Variants in ABCB8 observed in about 807,000 individuals in gnomAD.
ABCB8 encodes the protein mitochondrial potassium channel ATP-binding subunit.
A neutral mutation model predicts 73.0 loss-of-function variants in ABCB8; 52 were observed. The ratio of observed to expected loss-of-function variants is 0.71; its 90% CI spans 0.57 to 0.90. ABCB8 has a LOEUF of 0.90. Ranked by LOEUF, ABCB8 falls within the 40% of genes least tolerant of loss-of-function variation. The probability of loss-of-function intolerance (pLI) is 0.00; values close to 1 mark genes in which losing one functional copy is unlikely to be tolerated. For synonymous variants in ABCB8, 428 were observed against 423.5 expected, an observed-to-expected ratio of 1.01 and a Z score of -0.13; for missense variants, 909 against 974.6, an observed-to-expected ratio of 0.93 and a Z score of 0.90.
rs750395728 is a variant in ABCB8, at chr7:151,034,522, G to C, written c.582G>C (p.Gly194=). ...TTTCGCAGGGACTGCTGACCTTCGG[G>C]TACCTGGTGCTGCTGTCCCACGTTG... ...LYGVQGLLTF[G]YLVLLSHVGE... The change falls in exon 4 of 16, where the codon GGG becomes GGC. Residue 194 remains glycine (G), a synonymous_variant. Transcript: ENST00000358849. The C allele has an allele frequency of 6.2e-7, 1 of 1,613,294 alleles. No individual in the cohort carries two copies. The highest frequency in any genetic ancestry group is 8.5e-7 in the Non-Finnish European group (1 of 1,180,022).
intron 9 of ABCB8, chr7:151,037,617 C>T: frequency 2.5e-6 from 1 of 402,072 alleles, no homozygotes; most frequent in Non-Finnish European, 4.7e-6. Context: ...TCTCCACGAA[C>T]CGTGCATCAC....
Position 151,033,769 on chromosome 7 carries a change from A to C in ABCB8, c.260A>C (p.His87Pro). The change falls in exon 2 of 16, where the codon CAT becomes CCT. Residue 87 changes from histidine to proline, a missense_variant. By Grantham distance (77) the His-to-Pro change is moderately conservative. Coordinates refer to ENST00000358849, the MANE Select transcript of ABCB8 (RefSeq NM_007188.5). ...CTAGGCCCCATGGTACTGAGTAAGC[A>C]TCCCCACCTCTGCCTTGTGGCCCTG... The part of the protein sequence containing the change: ...ALLGPMVLSK[H>P]PHLCLVALCE... 2 of 1,613,980 alleles carry C rather than the reference A, an allele frequency of 1.2e-6. No homozygotes were observed. Among genetic ancestry groups the C allele is most frequent in the Middle Eastern group, 1.7e-4 (1 of 6,058 alleles).
At chr7:151,040,185 C>T in intron 9 of ABCB8, 83 bp from the exon 10 acceptor site, 1 of 1,523,676 alleles carries the variant, frequency 6.6e-7, no homozygotes, top group African/African-American at 1.4e-5. Flanking sequence ...CTTCCTTGCT[C>T]CCCCGCCCCA....
intron 8 of ABCB8, 68 bp from the exon 9 acceptor site, chr7:151,036,476 G>A: frequency 7.4e-7 from 1 of 1,356,390 alleles, no homozygotes. Flanking sequence ...AGTCAGCAGT[G>A]GCAGAGCAGG....
Position 151,034,805 on chromosome 7 carries a change from A to G in ABCB8, c.741A>G (p.Ser247=). ...RLTTDVQEFK[S]SFKLVISQGL... is the part of the protein sequence containing the mutation. Reference sequence around the variant, plus strand: ...CAACTGACGTGCAGGAGTTTAAGTCATCCTTCAAGCTTGTCATCTCCCAGG... The same window carrying G: ...CAACTGACGTGCAGGAGTTTAAGTCGTCCTTCAAGCTTGTCATCTCCCAGG... The change falls in exon 5 of 16, where the codon TCA becomes TCG. Residue 247 remains serine (S), a synonymous_variant. Transcript: ENST00000358849. 2 of 1,613,934 alleles carry G rather than the reference A, an allele frequency of 1.2e-6. No homozygotes were observed. The highest frequency in any genetic ancestry group is 1.7e-6 in the Non-Finnish European group (2 of 1,179,934).
In ABCB8 at chr7:151,036,161, G is replaced by A. The variant is rs143943108; in HGVS notation, c.1102G>A (p.Ala368Thr). The A allele has an allele frequency of 6.2e-6, 10 of 1,606,152 alleles. No individual in the cohort carries two copies. The highest frequency in any genetic ancestry group is 4.4e-5 in the South Asian group (4 of 90,864). ...CTTGTTCCAAGGGCTTTCCAACATC[G>A]CCTTCAACTGTGAGTGAGCCATTTG... ...IALFQGLSNI[A>T]FNCMVLGTLF... Residue 368 changes from alanine (A) to threonine (T), a missense_variant, in exon 8 of 16, where the codon GCC (alanine) becomes ACC (threonine). Ala to Thr is a moderately conservative substitution (Grantham distance 58). Coordinates refer to ENST00000358849, the MANE Select transcript of ABCB8 (RefSeq NM_007188.5).
At chr7:151,031,254 A>C in intron 1 of ABCB8, 1 of 1,549,000 alleles carries the variant, frequency 6.5e-7, no homozygotes, top group Non-Finnish European at 8.7e-7. Context: ...CACATGGCGT[A>C]ATGGGAAAAC....
intron 9 of ABCB8, 122 bp downstream of exon 9, chr7:151,036,771 C>T: frequency 1.2e-6 from 1 of 863,406 alleles, no homozygotes; most frequent in East Asian, 2.5e-5. Flanking sequence ...CCAGGCCTGC[C>T]CAGCTTCCCC....
chr7:151,031,204 G>T lies in ABCB8; in HGVS notation c.96-2401G>T, dbSNP rs773501175. On this transcript the variant is annotated intron_variant, in intron 1 of 15. Transcript: ENST00000358849. ...AACATCTATTATGTACCGGAGTTCT[G>T]CCAGTGCTGTCTAAGATATAATTTC... 85 of 1,313,112 alleles carry T rather than the reference G, an allele frequency of 6.5e-5. No individual in the cohort carries two copies. The African/African-American group carries it at 1.2e-3, about 18-fold the overall frequency. The allele number at this position is 1,313,112 out of a possible 1,614,324, so 81.3% of individuals were successfully genotyped here.
At chr7:151,028,787 C>T (rs748871448) in intron 1 of ABCB8, 177 bp downstream of exon 1, 268 of 1,542,134 alleles carry the variant, frequency 1.7e-4, no homozygotes, top group Non-Finnish European at 2.3e-4. Context: ...TAGTGACACT[C>T]CAGTCGCCAG....
chr7:151,041,457 C>T (rs77711866), intron 13 of ABCB8, among the ~76,000 whole-genome samples: 19 of 152,358 alleles, frequency 1.2e-4, no homozygotes, highest in Non-Finnish European at 1.6e-4. Flanking sequence ...ACGCTTTGTC[C>T]GCATTTACAG....
At chr7:151,032,720 A>T (rs1019016186) in intron 1 of ABCB8, 2 of 273,082 alleles carry the variant, frequency 7.3e-6, no homozygotes, top group Non-Finnish European at 1.5e-5. Flanking sequence ...CAATGTCTAG[A>T]ATAGTGGAAT....
intron 9 of ABCB8, chr7:151,037,436 C>A (rs1224334865): frequency 1.5e-6 from 1 of 664,246 alleles, no homozygotes; most frequent in East Asian, 2.7e-5. Flanking sequence ...CAAAACCACC[C>A]GCTCAGCTGA....
chr7:151,029,151 A>G, intron 1 of ABCB8: 1 of 340,540 alleles, frequency 2.9e-6, no homozygotes, highest in African/African-American at 2.2e-5. Context: ...AAATACAAAA[A>G]TTTGCCGTGA....
rs983594240 is a variant in ABCB8, at chr7:151,047,127, C to T, written c.*1778C>T. 6.6e-6 allele frequency: 1 copy of T among 152,382 alleles called. No individual in the cohort carries two copies. The highest frequency in any genetic ancestry group is 2.1e-4 in the South Asian group (1 of 4,830). 9.4% of individuals were successfully genotyped at this position (152,382 alleles called of 1,614,324 possible). A position where few individuals can be genotyped will look rare whatever the true frequency, so the allele number is the denominator to read the frequency against. On this transcript the variant is annotated 3_prime_UTR_variant, in exon 16 of 16. Coordinates refer to ENST00000358849, the MANE Select transcript of ABCB8 (RefSeq NM_007188.5). Reference sequence around the variant, plus strand: ...GCCAAGGTGGTTCCTGCTTCACCCACTCAGTCATCAGCCTCAGGCTGCCCA... The same window carrying T: ...GCCAAGGTGGTTCCTGCTTCACCCATTCAGTCATCAGCCTCAGGCTGCCCA...
rs372607563 is a variant in ABCB8, at chr7:151,041,751, C to T, written c.1618-210C>T. ...CCACTCCCACTCCTGGGGAGGGATT[C>T]TGGGCCCTTGGTAGGAAGTCGAACT... On this transcript the variant is annotated intron_variant, in intron 13 of 15. Transcript: ENST00000358849. Among the ~76,000 whole-genome samples, 125 of 152,370 alleles carry T rather than the reference C, an allele frequency of 8.2e-4. 3 individuals are homozygous for T. The South Asian group carries it at 0.025, about 31-fold the overall frequency.
In ABCB8 at chr7:151,028,673, G is replaced by T. The variant is rs985800543; in HGVS notation, c.95+63G>T. On this transcript the variant is annotated intron_variant, in intron 1 of 15. Coordinates refer to ENST00000358849, the MANE Select transcript of ABCB8 (RefSeq NM_007188.5). ...CCGCCCGGCAGGGCAGTGCCGGCCC[G>T]CCGGGAGATGGAGTCCACGAGCTTG... 3.6e-4 allele frequency: 559 copies of T among 1,573,050 alleles called. 7 individuals are homozygous for T. The highest frequency in any genetic ancestry group is 4.3e-4 in the Middle Eastern group (2 of 4,688).
In ABCB8 at chr7:151,045,185, C is replaced by A. The variant is rs760560009; in HGVS notation, c.2017-24C>A. ...AGCCTGCATGCCTTGGAGCAACCAT[C>A]CGCCCTTCCCTCCCATCTTCCAGGC... is the stretch of plus-strand genomic sequence containing the variant. On this transcript the variant is annotated intron_variant, in intron 15 of 15. Transcript: ENST00000358849. 6.6e-6 allele frequency: 10 copies of A among 1,524,118 alleles called. No homozygotes were observed. The African/African-American group carries it at 1.4e-4, about 21-fold the overall frequency. The allele number at this position is 1,524,118 out of a possible 1,614,324, so 94.4% of individuals were successfully genotyped here. A position where few individuals can be genotyped will look rare whatever the true frequency, so the allele number is the denominator to read the frequency against.
intron 1 of ABCB8, chr7:151,028,832 CAGA>C: frequency 6.4e-7 from 1 of 1,556,334 alleles, no homozygotes; most frequent in Non-Finnish European, 8.7e-7. Flanking sequence ...GCGTGTCAGC[CAGA>C]AGGAGGGGAC....
Sources: allele counts gnomAD v4.1 joint callset (sites outside exome capture counted in the v4.1 genomes callset), GRCh38; gene constraint gnomAD v4.1.1; transcripts MANE v1.5; gene names NCBI Gene and HGNC (gene_info 2026-07-23, HGNC 2026-07-21).